The following SON variants were observed in gnomAD, a reference collection of about 807,000 sequenced individuals.
SON encodes the protein protein SON.
In SON, 4 loss-of-function variants were observed where a neutral mutation model predicts 173.3. The ratio of observed to expected loss-of-function variants is 0.02; its 90% confidence interval spans 0.01 to 0.05. The LOEUF is 0.05. SON is among the 10% of genes least tolerant of loss of function. The pLI, the probability that SON is intolerant of heterozygous loss-of-function variation, is 1.00. For missense variants in SON, 2,626 were observed against 3,055.3 expected (o/e 0.86, Z 3.31); for synonymous variants, 1,190 against 1,105.9 (o/e 1.08, Z -1.51).
rs1417710619 is a variant in SON, at chr21:33,555,096, C to A, written c.5865C>A (p.Arg1955=). The A allele has an allele frequency of 1.4e-5, 22 of 1,536,608 alleles. No homozygotes were observed. The highest frequency in any genetic ancestry group is 1.4e-5 in the African/African-American group (1 of 71,594). Reference sequence around the variant, plus strand: ...GGAGCTTTAGCATTTCCCCAAGCCGCCGCAGCCGCACCCCCAGCCGCCGCA... The same window carrying A: ...GGAGCTTTAGCATTTCCCCAAGCCGACGCAGCCGCACCCCCAGCCGCCGCA... ...RRRSFSISPS[R]RSRTPSRRSR... The change falls in exon 3 of 12, where the codon CGC becomes CGA. Residue 1955 remains arginine, a synonymous_variant. Transcript: ENST00000356577.
chr21:33,557,797 G>A, intron 4 of SON: 1 of 1,127,930 alleles, frequency 8.9e-7, no homozygotes, highest in South Asian at 1.8e-5. Flanking sequence ...CAACATTTCG[G>A]GTTTTGGCTG....
rs1419723734 is a variant in SON at position 33,553,426 on chromosome 21, G to A, written c.4195G>A (p.Glu1399Lys). The change falls in exon 3 of 12, where the codon GAG (glutamate) becomes AAG (lysine). Residue 1399 changes from glutamate to lysine, a missense_variant. Coordinates refer to ENST00000356577, the MANE Select transcript of SON (RefSeq NM_138927.4). ...TGTCCCGGAGCCTCCTGTTGTGGCTGAGCCAGACTATGTTACCATTCCTGT... is the reference window on the plus strand; with the variant it reads ...TGTCCCGGAGCCTCCTGTTGTGGCTAAGCCAGACTATGTTACCATTCCTGT... Reference protein sequence around the residue: ...VTVPEPPVVAEPDYVTIPVPV... With the variant: ...VTVPEPPVVAKPDYVTIPVPV... 6.2e-7 allele frequency: 1 copy of A among 1,614,182 alleles called. No homozygotes were observed. The highest frequency in any genetic ancestry group is 8.5e-7 in the Non-Finnish European group (1 of 1,180,032).
intron 8 of SON, 147 bp downstream of exon 8, chr21:33,569,234 GA>G: frequency 1.8e-6 from 1 of 565,700 alleles, no homozygotes; most frequent in South Asian, 2.4e-5. Flanking sequence ...GGCGGACACT[GA>G]AGACGGACTG....
intron 4 of SON, chr21:33,558,959 C>CTTTTTTTTTT (rs71194851): frequency 6.7e-5 from 8 of 118,668 alleles, no homozygotes; most frequent in Non-Finnish European, 8.3e-5. Context: ...ATGTCTTCTA[C>CTTTTTTTTTT]TTTTTTTTTT....
In SON at chr21:33,555,221, G is replaced by A. The variant is rs1312880835; in HGVS notation, c.5990G>A (p.Arg1997His). The change falls in exon 3 of 12, where the codon CGC becomes CAC. Residue 1997 changes from arginine to histidine, a missense_variant. By Grantham distance (29) the Arg-to-His change is conservative. This residue lies in a region of SON where 138 missense variants were observed against 222.9 expected (regional missense o/e 0.62). Transcript: ENST00000356577. ...TPSRRSRTPS[R>H]RRRSRSVVRR... ...AGCCGTCGGAGCCGCACCCCAAGCCGCCGGAGAAGATCAAGGTCTGTGGTA... is the reference window on the plus strand; with the variant it reads ...AGCCGTCGGAGCCGCACCCCAAGCCACCGGAGAAGATCAAGGTCTGTGGTA... 1.9e-6 allele frequency: 3 copies of A among 1,603,478 alleles called. No individual in the cohort carries two copies. Among genetic ancestry groups the A allele is most frequent in the South Asian group, 1.1e-5 (1 of 90,088 alleles).
Position 33,553,724 on chromosome 21 carries a change from C to G in SON, c.4493C>G (p.Pro1498Arg). Residue 1498 changes from proline (P) to arginine (R), a missense_variant, in exon 3 of 12, where the codon CCA becomes CGA. Transcript: ENST00000356577. ...NLSSGDQNLA[P>R]EIGMQEIALH... ...TCCTCTGGTGATCAAAATCTTGCTC[C>G]AGAGATTGGCATGCAGGAGATTGCA... is the stretch of plus-strand genomic sequence containing the variant. 6.2e-7 allele frequency: 1 copy of G among 1,613,970 alleles called. No individual in the cohort carries two copies. Among genetic ancestry groups the G allele is most frequent in the South Asian group, 1.1e-5 (1 of 91,070 alleles).
At position 33,553,019 on chromosome 21, in the gene SON, C is replaced by T. The variant is rs777759047; in HGVS notation, c.3788C>T (p.Pro1263Leu). The T allele has an allele frequency of 3.1e-6, 5 of 1,614,138 alleles. No homozygotes were observed. The South Asian group carries it at 5.5e-5, about 18-fold the overall frequency. ...CCAGAATCTTCAATTACGTTAACAC[C>T]TGTAGAGTCTGCAGTAGTAGCAGAA... ...PEPESSITLT[P>L]VESAVVAEEH... The change falls in exon 3 of 12, where the codon CCT becomes CTT. Residue 1263 changes from proline to leucine, a missense_variant. Transcript: ENST00000356577.
At chr21:33,555,428 A>C in intron 3 of SON, 37 bp downstream of exon 3, 1 of 1,468,044 alleles carries the variant, frequency 6.8e-7, no homozygotes, top group Non-Finnish European at 9.0e-7. Context: ...TGGTAGTAGA[A>C]AATGTTTTAA....
In SON at chr21:33,557,223, T is replaced by C; in HGVS notation, c.6228T>C (p.Pro2076=). The C allele has an allele frequency of 6.2e-7, 1 of 1,613,358 alleles. No individual in the cohort carries two copies. The highest frequency in any genetic ancestry group is 8.5e-7 in the Non-Finnish European group (1 of 1,179,856). Residue 2076 remains proline, a synonymous_variant, in exon 4 of 12, where the codon CCT becomes CCC. Coordinates refer to ENST00000356577, the MANE Select transcript of SON (RefSeq NM_138927.4). ...AAAMCAKAGV[P]LPPNLKPAPP... is the part of the protein sequence containing the mutation. Reference sequence around the variant, plus strand: ...CCATGTGTGCTAAGGCTGGTGTCCCTTTACCACCAAACCTAAAGCCTGCAC... The same window carrying C: ...CCATGTGTGCTAAGGCTGGTGTCCCCTTACCACCAAACCTAAAGCCTGCAC...
At chr21:33,546,459 A>T in intron 2 of SON, 80 bp downstream of exon 2, 1 of 1,133,122 alleles carries the variant, frequency 8.8e-7, no homozygotes, top group Non-Finnish European at 1.3e-6. Flanking sequence ...TTAGTTTTTG[A>T]CTTCAGTATT....
rs1184775188 is a variant in SON, at chr21:33,550,368, A to G, written c.1137A>G (p.Ser379=). The G allele has an allele frequency of 6.2e-7, 1 of 1,613,978 alleles. No homozygotes were observed. Among genetic ancestry groups the G allele is most frequent in the Non-Finnish European group, 8.5e-7 (1 of 1,180,032 alleles). The change falls in exon 3 of 12, where the codon TCA becomes TCG. Residue 379 remains serine (S), a synonymous_variant. Transcript: ENST00000356577. ...ALELQESSVA[S]AMELPGPPAT... ...AGCTGCAGGAGTCGTCGGTGGCCTC[A>G]GCGATGGAGTTGCCGGGGCCACCTG...
chr21:33,554,812 A>ACACGTT lies in SON; in HGVS notation c.5586_5591dup (p.Ser1867_Arg1868dup), dbSNP rs1381636591. 1 of 1,614,000 alleles carries ACACGTT rather than the reference A, an allele frequency of 6.2e-7. No individual in the cohort carries two copies. Among genetic ancestry groups the ACACGTT allele is most frequent in the Non-Finnish European group, 8.5e-7 (1 of 1,180,040 alleles). On this transcript the variant is annotated inframe_insertion, in exon 3 of 12. Coordinates refer to ENST00000356577, the MANE Select transcript of SON (RefSeq NM_138927.4). ...TAAGTCCAAGTCTCATCGCTCTCAGACACGTTCACGGTCACGTTCAAGACG... is the reference window on the plus strand; with the variant it reads ...TAAGTCCAAGTCTCATCGCTCTCAGACACGTTCACGTTCACGGTCACGTTCAAGACG...
In SON at chr21:33,576,834, T is replaced by G. The variant is rs2145891779; in HGVS notation, c.*410T>G. 1 of 327,878 alleles carries G rather than the reference T, an allele frequency of 3.0e-6. No individual in the cohort carries two copies. The highest frequency in any genetic ancestry group is 6.1e-6 in the Non-Finnish European group (1 of 165,122). 20.3% of individuals were successfully genotyped at this position (327,878 alleles called of 1,614,324 possible). Reference sequence around the variant, plus strand: ...ACTGTTTGAAGGCATCAGAGTAATCTTCAGTGTGGAATGTTAAATAACGCT... The same window carrying G: ...ACTGTTTGAAGGCATCAGAGTAATCGTCAGTGTGGAATGTTAAATAACGCT... On this transcript the variant is annotated 3_prime_UTR_variant, in exon 12 of 12. Transcript: ENST00000356577.
At chr21:33,573,549 C>T in intron 9 of SON, 94 bp downstream of exon 9, 6 of 1,109,242 alleles carry the variant, frequency 5.4e-6, no homozygotes, top group Non-Finnish European at 6.5e-6. Context: ...ACTGAAGGCA[C>T]TTCTTGTATA....
rs542887273 is a variant in SON, at chr21:33,549,547, A to G, written c.316A>G (p.Lys106Glu). The change falls in exon 3 of 12, where the codon AAA becomes GAA. Residue 106 changes from lysine (K) to glutamate (E), a missense_variant. This residue lies in a region of SON where 757 missense variants were observed against 730.1 expected (regional missense o/e 1.04). Coordinates refer to ENST00000356577, the MANE Select transcript of SON (RefSeq NM_138927.4). ...QTDPTDEIPTKKSKKHKKHKN... is the reference protein window; with the variant it reads ...QTDPTDEIPTEKSKKHKKHKN... ...AGATCCTACTGATGAAATTCCCACT[A>G]AAAAGTCAAAGAAGCATAAAAAGCA... The G allele has an allele frequency of 4.7e-5, 74 of 1,583,676 alleles. No homozygotes were observed. The highest frequency in any genetic ancestry group is 6.1e-5 in the Non-Finnish European group (72 of 1,171,334).
At chr21:33,545,474 T>G (rs1004512976) in intron 1 of SON, among the ~76,000 whole-genome samples, 9 of 152,220 alleles carry the variant, frequency 5.9e-5, no homozygotes, top group Non-Finnish European at 1.0e-4. Flanking sequence ...TTTCAAAATT[T>G]TGCAAATTCA....
chr21:33,553,870 C>CATA lies in SON; in HGVS notation c.4643_4645dup (p.Asn1548dup). On this transcript the variant is annotated inframe_insertion, in exon 3 of 12. Transcript: ENST00000356577. ...TCATTTAATTGCTAAAGAGATGGAA[C>CATA]ATAATACAGTGTGTGCTGCTGGTAC... The CATA allele has an allele frequency of 1.2e-6, 2 of 1,613,964 alleles. No homozygotes were observed. Among genetic ancestry groups the CATA allele is most frequent in the African/African-American group, 2.7e-5 (2 of 75,022 alleles).
Sources: gnomAD v4.1 joint callset for allele counts (sites outside exome capture counted in the v4.1 genomes callset) on GRCh38, gnomAD v4.1.1 for gene constraint, gnomAD v4.1.1 regional missense constraint, MANE v1.5 for transcripts, NCBI Gene and HGNC (gene_info 2026-07-23, HGNC 2026-07-21) for gene names.